FAAH2: variants seen among roughly 807,000 people sequenced by gnomAD.
FAAH2 encodes fatty acid amide hydrolase 2, also known as fatty-acid amide hydrolase 2.
Under a neutral mutation model 36.9 loss-of-function variants are expected in FAAH2, and 60 were observed. That is an observed-to-expected ratio of 1.63 (90% confidence interval 1.32 to 2.02). The LOEUF is 2.02. FAAH2 is among the 30% of genes most tolerant of loss of function. FAAH2 has a pLI of 0.00. For synonymous variants in FAAH2, 214 were observed against 143.8 expected (o/e 1.49, Z -3.49); for missense variants, 689 against 397.5 (o/e 1.73, Z -6.23).
the FAAH2 span, chrX:57,137,113 C>A: frequency 1.3e-6 from 1 of 771,281 alleles, no homozygotes; most frequent in Non-Finnish European, 1.5e-6. Context: ...CTCCCCCACC[C>A]CACCCTTGCC....
chrX:57,216,144 T>C, the FAAH2 span, among the ~76,000 whole-genome samples: 1 of 107,741 alleles, frequency 9.3e-6, no homozygotes, highest in East Asian at 2.9e-4. Context: ...TTTCTGTAAG[T>C]TATTGGGGTA....
At chrX:57,465,806 C>A (rs1039143321) in intron 10 of FAAH2, among the ~76,000 whole-genome samples, 1 of 110,513 alleles carries the variant, frequency 9.0e-6, no homozygotes, top group Non-Finnish European at 1.9e-5. Flanking sequence ...ATTATTATTT[C>A]TTCTCTTGCT....
the FAAH2 span, among the ~76,000 whole-genome samples, chrX:57,176,835 T>C: frequency 9.0e-6 from 1 of 111,470 alleles, no homozygotes; most frequent in Non-Finnish European, 1.9e-5. Flanking sequence ...CTGGGTGTTT[T>C]CAGTGGTAAA....
chrX:57,349,282 TATACATATATACACA>T (rs2053927583), intron 5 of FAAH2, among the ~76,000 whole-genome samples: 1 of 95,937 alleles, frequency 1.0e-5, no homozygotes, highest in African/African-American at 3.7e-5. Context: ...TATATACATA[TATACATATATACACA>T]GATATACATA....
chrX:57,478,982 G>T (rs1045434382), intron 10 of FAAH2, among the ~76,000 whole-genome samples: 6 of 111,318 alleles, frequency 5.4e-5, no homozygotes, highest in Admixed American at 1.9e-4. Flanking sequence ...CTCTTTTTTG[G>T]TTCCATATGA....
At chrX:57,165,253 C>T in the FAAH2 span, among the ~76,000 whole-genome samples, 14 of 111,879 alleles carry the variant, frequency 1.3e-4, no homozygotes, top group African/African-American at 2.6e-4. Flanking sequence ...ATGTTTACTG[C>T]GGCATTATTC....
intron 7 of FAAH2, among the ~76,000 whole-genome samples, chrX:57,415,490 G>A (rs770797889): frequency 8.9e-6 from 1 of 111,839 alleles, no homozygotes; most frequent in African/African-American, 3.2e-5. Flanking sequence ...TTTCCCAGTA[G>A]TCACTCATGA....
At chrX:57,438,264 TAGA>T (rs2056459882) in intron 8 of FAAH2, among the ~76,000 whole-genome samples, 1 of 105,660 alleles carries the variant, frequency 9.5e-6, no homozygotes, top group African/African-American at 3.4e-5. Flanking sequence ...TATATAGATA[TAGA>T]TATAGATATA....
At chrX:57,462,493 G>T (rs955289904) in intron 10 of FAAH2, among the ~76,000 whole-genome samples, 3 of 111,829 alleles carry the variant, frequency 2.7e-5, no homozygotes, top group African/African-American at 3.3e-5. Flanking sequence ...GGGATGCAAG[G>T]CTTGTTCAAC....
chrX:57,386,478 A>G (rs1409752275), intron 7 of FAAH2, among the ~76,000 whole-genome samples: 1 of 111,861 alleles, frequency 8.9e-6, no homozygotes, highest in Non-Finnish European at 1.9e-5. Flanking sequence ...ATGCAAAATT[A>G]TGAAGCCAGG....
At chrX:57,255,266 G>A in the FAAH2 span, among the ~76,000 whole-genome samples, 25 of 111,299 alleles carry the variant, frequency 2.2e-4, no homozygotes, top group African/African-American at 3.9e-4. Context: ...ACAGGTTCTG[G>A]CATTGAGGCA....
chrX:57,433,778 A>C (rs920237961), intron 8 of FAAH2, among the ~76,000 whole-genome samples: 14 of 112,452 alleles, frequency 1.2e-4, no homozygotes, highest in African/African-American at 4.5e-4. Flanking sequence ...TTTGCACTAT[A>C]ACATTTATTT....
intron 10 of FAAH2, among the ~76,000 whole-genome samples, chrX:57,484,879 G>A (rs1364665005): frequency 9.0e-6 from 1 of 111,183 alleles, no homozygotes; most frequent in Non-Finnish European, 1.9e-5. Context: ...CTGGACCTGG[G>A]TTGAGCCAGC....
chrX:57,184,704 G>T, the FAAH2 span, among the ~76,000 whole-genome samples: 25 of 112,354 alleles, frequency 2.2e-4, no homozygotes, highest in Non-Finnish European at 4.3e-4. Context: ...ATTTGTACTT[G>T]TAAAACTTTC....
At chrX:57,322,136 G>A (rs1356105379) in intron 3 of FAAH2, among the ~76,000 whole-genome samples, 1 of 110,744 alleles carries the variant, frequency 9.0e-6, no homozygotes, top group Non-Finnish European at 1.9e-5. Context: ...TTGAGTAGCT[G>A]AGACTACAGG....
chrX:57,317,955 T>G (rs1436676232), intron 3 of FAAH2, among the ~76,000 whole-genome samples: 1 of 111,611 alleles, frequency 9.0e-6, no homozygotes, highest in Non-Finnish European at 1.9e-5. Flanking sequence ...ACATGTTATT[T>G]GAAACCAGTG....
intron 7 of FAAH2, among the ~76,000 whole-genome samples, chrX:57,425,405 A>G (rs1409303092): frequency 9.0e-6 from 1 of 111,555 alleles, no homozygotes; most frequent in Non-Finnish European, 1.9e-5. Context: ...AGTACTTACC[A>G]TGGCATATAA....
At chrX:57,210,363 G>A in the FAAH2 span, among the ~76,000 whole-genome samples, 2 of 111,634 alleles carry the variant, frequency 1.8e-5, no homozygotes, top group Non-Finnish European at 3.8e-5. Context: ...CCATACGCAC[G>A]ACAATACTCA....
chrX:57,396,879 C>T (rs1175358520), intron 7 of FAAH2, among the ~76,000 whole-genome samples: 1 of 111,370 alleles, frequency 9.0e-6, no homozygotes, highest in Non-Finnish European at 1.9e-5. Context: ...AATTTAAGTC[C>T]AGAGTTTATT....
Sources: allele counts gnomAD v4.1 joint callset (sites outside exome capture counted in the v4.1 genomes callset), GRCh38; gene constraint gnomAD v4.1.1; transcripts MANE v1.5; gene names NCBI Gene and HGNC (gene_info 2026-07-23, HGNC 2026-07-21).